CBY2: variants seen among roughly 807,000 people sequenced by gnomAD.
CBY2 encodes chibby family member 2.
In CBY2, 23 loss-of-function variants were observed where a neutral mutation model predicts 25.3. The ratio of observed to expected loss-of-function variants is 0.91; its 90% CI spans 0.65 to 1.29. The LOEUF (loss-of-function observed/expected upper bound fraction) is 1.29. Ranked by LOEUF, CBY2 falls within the 50% of genes most tolerant of loss-of-function variation. The pLI, the probability that CBY2 is intolerant of heterozygous loss-of-function variation, is 0.00. For missense variants in CBY2, 642 were observed against 590.7 expected (o/e 1.09, Z -0.90); for synonymous variants, 279 against 260.2 (o/e 1.07, Z -0.70).
At position 45,706,881 on chromosome 13, in the gene CBY2, C is replaced by T. The variant is rs76439631; in HGVS notation, c.156+4026C>T. Reference sequence around the variant, plus strand: ...CTGGAATCCTGGAACTGCATATGTTCGCTGAGCTCAGATGCTTAGTTTTTG... The same window carrying T: ...CTGGAATCCTGGAACTGCATATGTTTGCTGAGCTCAGATGCTTAGTTTTTG... On this transcript the variant is annotated intron_variant, in intron 2 of 2. Coordinates refer to ENST00000310521, the MANE Select transcript of CBY2 (RefSeq NM_152719.3). Among the ~76,000 whole-genome samples, 1,189 of 152,246 alleles carry T rather than the reference C, an allele frequency of 7.8e-3. 12 individuals are homozygous for T. Among genetic ancestry groups the T allele is most frequent in the Non-Finnish European group, 0.011 (772 of 68,020 alleles).
Position 45,704,536 on chromosome 13 carries a change from CA to C in CBY2, c.156+1685del, listed in dbSNP as rs1162778866. On this transcript the variant is annotated intron_variant, in intron 2 of 2. Coordinates refer to ENST00000310521, the MANE Select transcript of CBY2 (RefSeq NM_152719.3). The surrounding 1 kb of genome is among the most constrained non-coding windows in gnomAD (Gnocchi z 4.1). ...GTGTCTACAACTAGATGATCCGAAC[CA>C]AAATACCACCAGGCCTGCGAGAGGG... Among the ~76,000 whole-genome samples the C allele has an allele frequency of 2.0e-5, 3 of 152,170 alleles. No individual in the cohort carries two copies. Among genetic ancestry groups the C allele is most frequent in the African/African-American group, 7.2e-5 (3 of 41,450 alleles).
intron 2 of CBY2, among the ~76,000 whole-genome samples, chr13:45,710,448 G>T (rs903907182): frequency 6.6e-6 from 1 of 152,118 alleles, no homozygotes; most frequent in Admixed American, 6.6e-5. Flanking sequence ...GCTTGAACCC[G>T]GAAGGCGGAG....
chr13:45,702,782 G>A lies in CBY2; in HGVS notation c.83G>A (p.Arg28Lys). The A allele has an allele frequency of 6.2e-7, 1 of 1,613,928 alleles. No individual in the cohort carries two copies. Among genetic ancestry groups the A allele is most frequent in the South Asian group, 1.1e-5 (1 of 91,078 alleles). ...CTTTTCTCGTTTCCACAGCACTCAA[G>A]GCCAAATTATACAAGAAAAAGAGAT... is the stretch of plus-strand genomic sequence containing the variant. ...TYTWQLTLHS[R>K]PNYTRKRDTR... The change falls in exon 2 of 3, where the codon AGG (arginine) becomes AAG (lysine). Residue 28 changes from arginine to lysine, a missense_variant. Coordinates refer to ENST00000310521, the MANE Select transcript of CBY2 (RefSeq NM_152719.3).
chr13:45,713,745 T>G lies in CBY2; in HGVS notation c.720T>G (p.Arg240=), dbSNP rs746903118. The G allele has an allele frequency of 6.2e-6, 10 of 1,610,024 alleles. No individual in the cohort carries two copies. Among genetic ancestry groups the G allele is most frequent in the Non-Finnish European group, 8.5e-6 (10 of 1,179,074 alleles). ...ACCACGTCGCCCTGCAGGTGCCCCG[T>G]GGCAAGGAGGACAGCACCCTGCAGC... The part of the protein sequence containing the change: ...KKDHVALQVP[R]GKEDSTLQLL... The change falls in exon 3 of 3, where the codon CGT becomes CGG. Residue 240 remains arginine (R), a synonymous_variant. Coordinates refer to ENST00000310521, the MANE Select transcript of CBY2 (RefSeq NM_152719.3). The surrounding 1 kb of genome is among the most constrained non-coding windows in gnomAD (Gnocchi z 5.0).
At position 45,713,379 on chromosome 13, in the gene CBY2, G is replaced by C. The variant is rs184200267; in HGVS notation, c.354G>C (p.Pro118=). 6.2e-7 allele frequency: 1 copy of C among 1,614,168 alleles called. No homozygotes were observed. Among genetic ancestry groups the C allele is most frequent in the Non-Finnish European group, 8.5e-7 (1 of 1,180,014 alleles). The change falls in exon 3 of 3, where the codon CCG becomes CCC. Residue 118 remains proline (P), a synonymous_variant. Transcript: ENST00000310521. This position sits in a 1 kb window ranked among gnomAD's most constrained non-coding sequence, Gnocchi z 5.0. ...CCGACCTGGAGCTGGACTACAACCC[G>C]CCGCGGGTGCAGCTCAGCGACGAGA... is the stretch of plus-strand genomic sequence containing the variant. ...SQADLELDYN[P]PRVQLSDEMF...
Position 45,713,636 on chromosome 13 carries a change from A to G in CBY2, c.611A>G (p.Lys204Arg). The G allele has an allele frequency of 1.9e-6, 3 of 1,613,700 alleles. No individual in the cohort carries two copies. Among genetic ancestry groups the G allele is most frequent in the Non-Finnish European group, 2.5e-6 (3 of 1,179,980 alleles). Residue 204 changes from lysine (K) to arginine (R), a missense_variant, in exon 3 of 3, where the codon AAG becomes AGG. Physicochemically the swap from Lys to Arg is conservative, Grantham distance 26. Coordinates refer to ENST00000310521, the MANE Select transcript of CBY2 (RefSeq NM_152719.3). The surrounding 1 kb of genome is among the most constrained non-coding windows in gnomAD (Gnocchi z 5.0). ...CTACAGGTCTTCTGGGAGGAGCACA[A>G]GGCCTCGCTGGGCCGAGAGGAGAGC... Reference protein sequence around the residue: ...KILQVFWEEHKASLGREESRA... With the variant: ...KILQVFWEEHRASLGREESRA...
intron 2 of CBY2, among the ~76,000 whole-genome samples, chr13:45,703,873 C>T (rs1243557780): frequency 1.3e-5 from 2 of 152,112 alleles, no homozygotes; most frequent in African/African-American, 4.8e-5. Flanking sequence ...TCTTTTTGGG[C>T]CTGATTCTTT....
Position 45,713,582 on chromosome 13 carries a change from A to G in CBY2, c.557A>G (p.Asn186Ser). 1.2e-6 allele frequency: 2 copies of G among 1,614,074 alleles called. No individual in the cohort carries two copies. Among genetic ancestry groups the G allele is most frequent in the Non-Finnish European group, 1.7e-6 (2 of 1,180,002 alleles). The change falls in exon 3 of 3, where the codon AAC becomes AGC. Residue 186 changes from asparagine to serine, a missense_variant. By Grantham distance (46) the Asn-to-Ser change is conservative. Transcript: ENST00000310521. The surrounding 1 kb of genome is among the most constrained non-coding windows in gnomAD (Gnocchi z 5.0). ...REENKALREE[N>S]RMLSKENKIL... is the part of the protein sequence containing the mutation. ...GAGAACAAGGCCCTGCGCGAGGAGA[A>G]CCGGATGCTCAGCAAGGAGAACAAG...
At chr13:45,703,458 T>C in intron 2 of CBY2, 1 of 1,545,144 alleles carries the variant, frequency 6.5e-7, no homozygotes, top group Non-Finnish European at 8.7e-7. Flanking sequence ...TCCTCTTGAT[T>C]GAATTGTTTC....
In CBY2 at chr13:45,714,036, C is replaced by G. The variant is rs185003826; in HGVS notation, c.1011C>G (p.Pro337=). 6.0e-4 allele frequency: 903 copies of G among 1,493,730 alleles called. 5 individuals are homozygous for G. The African/African-American group carries it at 0.012, about 19-fold the overall frequency. The allele number at this position is 1,493,730 out of a possible 1,614,324, so 92.5% of individuals were successfully genotyped here. ...AGATGGTCAGCAACATGTCCGGGCCCTCCGGGGAGGAGGAGGCCAAGGTGG... is the reference window on the plus strand; with the variant it reads ...AGATGGTCAGCAACATGTCCGGGCCGTCCGGGGAGGAGGAGGCCAAGGTGG... ...LRKMVSNMSG[P]SGEEEAKVGP... is the part of the protein sequence containing the mutation. Residue 337 remains proline, a synonymous_variant, in exon 3 of 3, where the codon CCC becomes CCG. Transcript: ENST00000310521.
At chr13:45,706,280 G>A (rs1950239077) in intron 2 of CBY2, among the ~76,000 whole-genome samples, 2 of 152,124 alleles carry the variant, frequency 1.3e-5, no homozygotes, top group South Asian at 4.1e-4. Context: ...TTCCTTCCAG[G>A]ACCACTTATA....
At chr13:45,703,514 C>A (rs1428897008) in intron 2 of CBY2, 1 of 1,550,714 alleles carries the variant, frequency 6.4e-7, no homozygotes. Flanking sequence ...TCTCCAGAGT[C>A]ACCTAAGTCC....
At chr13:45,710,268 T>C (rs938607322) in intron 2 of CBY2, among the ~76,000 whole-genome samples, 2 of 152,186 alleles carry the variant, frequency 1.3e-5, no homozygotes, top group Non-Finnish European at 2.9e-5. Context: ...CTCATGCCTA[T>C]AATCCTAGCA....
rs753900743 is a variant in CBY2 at position 45,713,339 on chromosome 13, G to A, written c.314G>A (p.Arg105His). 1.9e-6 allele frequency: 3 copies of A among 1,614,184 alleles called. No individual in the cohort carries two copies. Among genetic ancestry groups the A allele is most frequent in the Non-Finnish European group, 2.5e-6 (3 of 1,180,038 alleles). ...TCCGTGCCTTTAGACCCCATGGAGC[G>A]CCCCATGTCCCAGGCCGACCTGGAG... Reference protein sequence around the residue: ...FSSVPLDPMERPMSQADLELD... With the variant: ...FSSVPLDPMEHPMSQADLELD... Residue 105 changes from arginine (R) to histidine (H), a missense_variant, in exon 3 of 3, where the codon CGC becomes CAC. Physicochemically the swap from Arg to His is conservative, Grantham distance 29 (BLOSUM62 0). Transcript: ENST00000310521. The surrounding 1 kb of genome is among the most constrained non-coding windows in gnomAD (Gnocchi z 5.0).
In CBY2 at chr13:45,713,607, G is replaced by C. The variant is rs751624542; in HGVS notation, c.582G>C (p.Lys194Asn). Residue 194 changes from lysine (K) to asparagine (N), a missense_variant, in exon 3 of 3, where the codon AAG becomes AAC. Coordinates refer to ENST00000310521, the MANE Select transcript of CBY2 (RefSeq NM_152719.3). The surrounding 1 kb of genome is among the most constrained non-coding windows in gnomAD (Gnocchi z 5.0). ...EENRMLSKEN[K>N]ILQVFWEEHK... ...ACCGGATGCTCAGCAAGGAGAACAA[G>C]ATCCTACAGGTCTTCTGGGAGGAGC... 9.3e-6 allele frequency: 15 copies of C among 1,613,892 alleles called. No individual in the cohort carries two copies. Among genetic ancestry groups the C allele is most frequent in the Admixed American group, 3.3e-5 (2 of 60,004 alleles).
In CBY2 at chr13:45,703,135, C is replaced by G. The variant is rs1205703586; in HGVS notation, c.156+280C>G. 4 of 1,272,260 alleles carry G rather than the reference C, an allele frequency of 3.1e-6. No homozygotes were observed. In the Admixed American group the frequency reaches 1.5e-4, roughly 47 times the overall value. 78.8% of individuals were successfully genotyped at this position (1,272,260 alleles called of 1,614,324 possible). A position where few individuals can be genotyped will look rare whatever the true frequency, so the allele number is the denominator to read the frequency against. On this transcript the variant is annotated intron_variant, in intron 2 of 2. Coordinates refer to ENST00000310521, the MANE Select transcript of CBY2 (RefSeq NM_152719.3). ...AAGTTTCTATGATACACTGAAGTAA[C>G]CCAGCCTTCTCAAAACGAGATCTTT... is the stretch of plus-strand genomic sequence containing the variant.
chr13:45,714,055 A>G lies in CBY2; in HGVS notation c.1030A>G (p.Lys344Glu). 1.3e-6 allele frequency: 2 copies of G among 1,506,226 alleles called. No homozygotes were observed. Among genetic ancestry groups the G allele is most frequent in the Non-Finnish European group, 1.8e-6 (2 of 1,126,342 alleles). The allele number at this position is 1,506,226 out of a possible 1,614,324, so 93.3% of individuals were successfully genotyped here. ...MSGPSGEEEA[K>E]VGPGLPDGCQ... ...CGGGCCCTCCGGGGAGGAGGAGGCC[A>G]AGGTGGGCCCGGGCCTGCCCGACGG... is the stretch of plus-strand genomic sequence containing the variant. Residue 344 changes from lysine to glutamate, a missense_variant, in exon 3 of 3, where the codon AAG becomes GAG. Lys to Glu is a moderately conservative substitution (Grantham distance 56). Transcript: ENST00000310521.
At chr13:45,703,567 T>C (rs1950223336) in intron 2 of CBY2, 2 of 1,551,052 alleles carry the variant, frequency 1.3e-6, no homozygotes, top group Non-Finnish European at 1.7e-6. Flanking sequence ...GGTTGAAATG[T>C]AGGATGGAGG....
At chr13:45,712,812 C>G (rs537688046) in intron 2 of CBY2, among the ~76,000 whole-genome samples, 73 of 152,230 alleles carry the variant, frequency 4.8e-4, no homozygotes, top group Non-Finnish European at 8.8e-4. Context: ...TTTGGGCATG[C>G]GTGACAGTGC....
Sources: allele counts gnomAD v4.1 joint callset (sites outside exome capture counted in the v4.1 genomes callset), GRCh38; gene constraint gnomAD v4.1.1; non-coding constraint Gnocchi (gnomAD v3.1); transcripts MANE v1.5; gene names NCBI Gene and HGNC (gene_info 2026-07-23, HGNC 2026-07-21).